The following SLC35D2 variants were observed in gnomAD, a reference collection of about 807,000 sequenced individuals.
SLC35D2 encodes the protein solute carrier family 35 member D2, also known as nucleotide sugar transporter SLC35D2.
Under a neutral mutation model 41.8 loss-of-function variants are expected in SLC35D2, and 43 were observed. The ratio of observed to expected loss-of-function variants is 1.03; its 90% confidence interval spans 0.81 to 1.33. The LOEUF (loss-of-function observed/expected upper bound fraction) is 1.33. Among genes scored for constraint, SLC35D2 ranks in the 40% most tolerant of loss-of-function variants. SLC35D2 has a pLI of 0.00. For missense variants in SLC35D2, 380 were observed against 408.4 expected (o/e 0.93, Z 0.60); for synonymous variants, 150 against 163.9 (o/e 0.92, Z 0.65).
intron 1 of SLC35D2, among the ~76,000 whole-genome samples, chr9:96,372,253 C>T (rs1830730999): frequency 6.6e-6 from 1 of 152,112 alleles, no homozygotes; most frequent in Admixed American, 6.5e-5. Flanking sequence ...ATTGAGACTT[C>T]AAAAGATGAA....
intron 9 of SLC35D2, among the ~76,000 whole-genome samples, chr9:96,326,287 C>T (rs1015628581): frequency 6.6e-6 from 1 of 152,164 alleles, no homozygotes; most frequent in African/African-American, 2.4e-5. Context: ...AAGTAGGCAG[C>T]TCCCATTTGT....
At chr9:96,361,222 C>A (rs967690059) in intron 3 of SLC35D2, among the ~76,000 whole-genome samples, 3 of 152,206 alleles carry the variant, frequency 2.0e-5, no homozygotes, top group African/African-American at 7.2e-5. Context: ...TAGATACATT[C>A]CTCACTCATA....
intron 1 of SLC35D2, among the ~76,000 whole-genome samples, chr9:96,371,713 A>G (rs1219807522): frequency 6.9e-6 from 1 of 145,372 alleles, no homozygotes; most frequent in Admixed American, 6.9e-5. Context: ...GTTAAAACTA[A>G]ATTTCTTTTT....
chr9:96,320,249 C>T (rs1186887631), downstream of SLC35D2, among the ~76,000 whole-genome samples: 1 of 152,202 alleles, frequency 6.6e-6, no homozygotes, highest in Non-Finnish European at 1.5e-5. Context: ...TTCGGTGGCT[C>T]ACGCCTGTGA....
chr9:96,361,260 T>C (rs1830265745), intron 3 of SLC35D2, among the ~76,000 whole-genome samples: 1 of 152,234 alleles, frequency 6.6e-6, no homozygotes, highest in Non-Finnish European at 1.5e-5. Context: ...AATCTTGTTT[T>C]TCCCCACATT....
chr9:96,376,686 T>C (rs1830976443), intron 1 of SLC35D2, among the ~76,000 whole-genome samples: 1 of 151,312 alleles, frequency 6.6e-6, no homozygotes, highest in Non-Finnish European at 1.5e-5. Context: ...GGCAGGAGAA[T>C]TGCCTGGACC....
In SLC35D2 at chr9:96,383,532, C is replaced by T. The variant is rs1741793902; in HGVS notation, c.103G>A (p.Gly35Arg). 40 of 1,517,300 alleles carry T rather than the reference C, an allele frequency of 2.6e-5. No individual in the cohort carries two copies. Among genetic ancestry groups the T allele is most frequent in the Non-Finnish European group, 3.5e-5 (40 of 1,132,354 alleles). The allele number at this position is 1,517,300 out of a possible 1,614,324, so 94.0% of individuals were successfully genotyped here. A position where few individuals can be genotyped will look rare whatever the true frequency, so the allele number is the denominator to read the frequency against. The change falls in exon 1 of 12, where the codon GGG becomes AGG. Residue 35 changes from glycine to arginine, a missense_variant. Physicochemically the swap from Gly to Arg is moderately radical, Grantham distance 125 (BLOSUM62 -2). Coordinates refer to ENST00000253270, the MANE Select transcript of SLC35D2 (RefSeq NM_007001.3). ...VARLLSALFY[G>R]TCSFLIVLVN... The stretch of plus-strand genomic sequence containing the variant: ...AGCACGATGAGGAAGGAGCAGGTCC[C>T]GTAGAAGAGCGCCGACAGCAGCCGG...
At position 96,337,499 on chromosome 9, in the gene SLC35D2, T is replaced by C. The variant is rs533024946; in HGVS notation, c.685-715A>G. 9.9e-5 allele frequency among the ~76,000 whole-genome samples: 15 copies of C among 151,566 alleles called. No homozygotes were observed. In the East Asian group the frequency reaches 2.5e-3, roughly 26 times the overall value. The stretch of plus-strand genomic sequence containing the variant: ...TCCCAAAGTACTGGGATTACAGGCA[T>C]GAACCACCACACCCAGCCAAAAAGT... On this transcript the variant is annotated intron_variant, in intron 8 of 11. Transcript: ENST00000253270.
At chr9:96,339,540 A>G (rs916864770) in intron 8 of SLC35D2, among the ~76,000 whole-genome samples, 2 of 152,212 alleles carry the variant, frequency 1.3e-5, no homozygotes, top group African/African-American at 2.4e-5. Context: ...ATTTATTTTT[A>G]AAAAGAAATA....
intron 11 of SLC35D2, among the ~76,000 whole-genome samples, chr9:96,315,489 A>AAT (rs1444085375): frequency 1.4e-5 from 2 of 146,604 alleles, no homozygotes; most frequent in Non-Finnish European, 3.0e-5. Flanking sequence ...GCTGGAGTGC[A>AAT]GTGGCGCGAT....
At position 96,324,184 on chromosome 9, in the gene SLC35D2, C is replaced by G. The variant is rs749434366; in HGVS notation, c.753-15G>C. ...TCAGCAGAAACCTGTGACAAGGAAG[C>G]AGACACTGGAGTGTGTGCCTCACTA... On this transcript the variant is annotated splice_polypyrimidine_tract_variant and intron_variant, in intron 9 of 11. Transcript: ENST00000253270. 1 of 1,611,784 alleles carries G rather than the reference C, an allele frequency of 6.2e-7. No homozygotes were observed. The highest frequency in any genetic ancestry group is 1.1e-5 in the South Asian group (1 of 90,970).
downstream of SLC35D2, among the ~76,000 whole-genome samples, chr9:96,319,656 C>A (rs1297676699): frequency 2.0e-5 from 3 of 152,156 alleles, no homozygotes; most frequent in Non-Finnish European, 4.4e-5. Flanking sequence ...GAGGTGTGCG[C>A]CACCATGCCT....
intron 9 of SLC35D2, among the ~76,000 whole-genome samples, chr9:96,326,815 A>AAC (rs1339021342): frequency 6.6e-6 from 1 of 152,028 alleles, no homozygotes; most frequent in Non-Finnish European, 1.5e-5. Context: ...CAAAAAAAAA[A>AAC]AAAAAAGAAA....
intron 9 of SLC35D2, among the ~76,000 whole-genome samples, chr9:96,324,548 A>AATTTTTTTTTTTTTTTTTTTTTTT (rs1314032166): frequency 1.1e-5 from 1 of 88,480 alleles, no homozygotes; most frequent in Admixed American, 1.3e-4. Context: ...CGCCTGCTGC[A>AATTTTTTTTTTTTTTTTTTTTTTT]CTTTTTTTTT....
intron 1 of SLC35D2, among the ~76,000 whole-genome samples, chr9:96,377,793 A>T (rs543007208): frequency 6.6e-6 from 1 of 152,274 alleles, no homozygotes; most frequent in Admixed American, 6.5e-5. Flanking sequence ...GAAGGCTAAG[A>T]CTTAGATAAT....
intron 1 of SLC35D2, among the ~76,000 whole-genome samples, chr9:96,376,052 T>C (rs1830938336): frequency 6.6e-6 from 1 of 151,306 alleles, no homozygotes. Context: ...TCTTAGCACT[T>C]TGGGAGGCTG....
chr9:96,353,861 G>A (rs531631593), intron 4 of SLC35D2, among the ~76,000 whole-genome samples: 1 of 152,198 alleles, frequency 6.6e-6, no homozygotes, highest in South Asian at 2.1e-4. Flanking sequence ...TTCTAGATGC[G>A]ACCCTGAGCG....
chr9:96,329,015 G>C (rs969423816), intron 9 of SLC35D2, among the ~76,000 whole-genome samples: 16 of 151,274 alleles, frequency 1.1e-4, no homozygotes, highest in Non-Finnish European at 2.1e-4. Flanking sequence ...TTGAACCCAG[G>C]AGGCGGAGGT....
At chr9:96,355,686 G>A (rs911981377) in intron 4 of SLC35D2, among the ~76,000 whole-genome samples, 34 of 151,964 alleles carry the variant, frequency 2.2e-4, no homozygotes, top group Middle Eastern at 3.4e-3. Flanking sequence ...TAGTAGAGAT[G>A]GGGTTTCACC....
Sources: allele counts gnomAD v4.1 joint callset (sites outside exome capture counted in the v4.1 genomes callset), GRCh38; gene constraint gnomAD v4.1.1; transcripts MANE v1.5; gene names NCBI Gene and HGNC (gene_info 2026-07-23, HGNC 2026-07-21).